Variants in ADGRG4 observed in about 807,000 individuals in gnomAD.
The protein encoded by ADGRG4 is G protein-coupled receptor 112.
Under a neutral mutation model 126.2 loss-of-function variants are expected in ADGRG4, and 122 were observed. The ratio of observed to expected loss-of-function variants is 0.97; its 90% CI spans 0.83 to 1.12. The LOEUF is 1.12. Among genes scored for constraint, ADGRG4 ranks in the 50% most tolerant of loss-of-function variants. The pLI is 0.00. For missense variants in ADGRG4, 2,481 were observed against 2,251.8 expected (o/e 1.10, Z -2.06); for synonymous variants, 943 against 838.7 (o/e 1.12, Z -2.15).
chrX:136,351,074 C>T (rs1181298876), intron 6 of ADGRG4, among the ~76,000 whole-genome samples: 11 of 111,551 alleles, frequency 9.9e-5, no homozygotes, highest in Admixed American at 8.6e-4. Context: ...AAACAAGGCA[C>T]AGGAAGAAAA....
chrX:136,362,465 A>G (rs1224235808), intron 12 of ADGRG4, among the ~76,000 whole-genome samples: 1 of 111,819 alleles, frequency 8.9e-6, no homozygotes, highest in Non-Finnish European at 1.9e-5. Context: ...CACTGCTGCC[A>G]GCATGATTTT....
intron 5 of ADGRG4, among the ~76,000 whole-genome samples, chrX:136,329,698 C>T (rs1484834124): frequency 9.8e-6 from 1 of 102,377 alleles, no homozygotes; most frequent in East Asian, 3.0e-4. Context: ...GAGATAAGGT[C>T]TCACTCTGTC....
chrX:136,357,213 T>C (rs911740786), intron 9 of ADGRG4, among the ~76,000 whole-genome samples: 2 of 111,697 alleles, frequency 1.8e-5, no homozygotes, highest in African/African-American at 6.5e-5. Context: ...CTTTTCCACT[T>C]CCTGACTATG....
chrX:136,409,139 G>A (rs1428116853), intron 23 of ADGRG4, among the ~76,000 whole-genome samples: 2 of 110,465 alleles, frequency 1.8e-5, no homozygotes, highest in African/African-American at 3.3e-5. Context: ...CAAAGTAGTC[G>A]TTTAAAAGAC....
At chrX:136,394,363 C>T (rs903342027) in intron 18 of ADGRG4, among the ~76,000 whole-genome samples, 3 of 112,134 alleles carry the variant, frequency 2.7e-5, no homozygotes, top group South Asian at 3.7e-4. Context: ...TCCCTAAGAA[C>T]GCCAGGAGTG....
At chrX:136,355,937 C>T (rs2075090992) in intron 8 of ADGRG4, among the ~76,000 whole-genome samples, 189 bp from the exon 9 acceptor site, 1 of 111,616 alleles carries the variant, frequency 9.0e-6, no homozygotes, top group African/African-American at 3.3e-5. Context: ...AAAGGCTTGC[C>T]ACCATTTTGG....
intron 2 of ADGRG4, among the ~76,000 whole-genome samples, 176 bp from the exon 3 acceptor site, chrX:136,304,679 A>T (rs2074722202): frequency 8.9e-6 from 1 of 112,182 alleles, no homozygotes; most frequent in South Asian, 3.7e-4. Flanking sequence ...GTATTGATTG[A>T]GCGCCCTCTA....
intron 4 of ADGRG4, among the ~76,000 whole-genome samples, chrX:136,319,697 T>C (rs374439915): frequency 1.1e-5 from 1 of 95,085 alleles, no homozygotes; most frequent in Non-Finnish European, 2.1e-5. Flanking sequence ...GCCACAGTGA[T>C]TCTATCTATC....
chrX:136,397,491 CTT>C (rs1184936316), intron 19 of ADGRG4, among the ~76,000 whole-genome samples: 10,319 of 49,403 alleles, frequency 0.21, 355 homozygotes, highest in Non-Finnish European at 0.29. Flanking sequence ...AGGAAAAGGA[CTT>C]TTTTTTTTTT....
intron 8 of ADGRG4, among the ~76,000 whole-genome samples, chrX:136,355,914 AG>A (rs2075090644): frequency 9.0e-6 from 1 of 111,520 alleles, no homozygotes; most frequent in Non-Finnish European, 1.9e-5. Context: ...CCAGGATGCA[AG>A]GTTAATAAAT....
intron 5 of ADGRG4, among the ~76,000 whole-genome samples, chrX:136,343,802 T>C (rs2074993934): frequency 9.0e-6 from 1 of 111,605 alleles, no homozygotes; most frequent in Non-Finnish European, 1.9e-5. Flanking sequence ...CTCAATCTCA[T>C]AACGATTTTA....
rs373849599 is a variant in ADGRG4, at chrX:136,383,813, C to CCTTTCTTTCTTTCTTT, written c.7777-3879_7777-3864dup. Among the ~76,000 whole-genome samples the CCTTTCTTTCTTTCTTT allele has an allele frequency of 9.7e-4, 58 of 59,604 alleles. 2 individuals carry two copies. The highest frequency in any genetic ancestry group is 3.5e-3 in the South Asian group (4 of 1,151). The allele number at this position is 59,604 out of a possible 115,157, so 51.8% of individuals were successfully genotyped here. A position where few individuals can be genotyped will look rare whatever the true frequency, so the allele number is the denominator to read the frequency against. On this transcript the variant is annotated intron_variant, in intron 15 of 25. Transcript: ENST00000394143. ...CTGACTCTTTAATTATATATATTTG[C>CCTTTCTTTCTTTCTTT]CTTTCTTTCTTTCTTTCTTTCTTTC... is the stretch of plus-strand genomic sequence containing the variant.
chrX:136,411,224 AT>A (rs1028417905), intron 23 of ADGRG4, among the ~76,000 whole-genome samples: 15 of 111,886 alleles, frequency 1.3e-4, no homozygotes, highest in Non-Finnish European at 2.4e-4. Flanking sequence ...TAATTTTTGT[AT>A]TTTTAATAGA....
At chrX:136,382,115 C>T (rs996137643) in intron 15 of ADGRG4, among the ~76,000 whole-genome samples, 3 of 111,164 alleles carry the variant, frequency 2.7e-5, no homozygotes, top group Non-Finnish European at 5.7e-5. Context: ...ACAAGTCCAT[C>T]CCTTTTCAAG....
intron 4 of ADGRG4, among the ~76,000 whole-genome samples, chrX:136,319,743 CTATCTATCATCT>C (rs943242807): frequency 9.3e-6 from 1 of 107,787 alleles, no homozygotes; most frequent in Non-Finnish European, 1.9e-5. Context: ...ATCTATCTAT[CTATCTATCATCT>C]ATCTATTATC....
At chrX:136,404,814 T>G (rs1456179230) in intron 22 of ADGRG4, among the ~76,000 whole-genome samples, 1 of 111,960 alleles carries the variant, frequency 8.9e-6, no homozygotes, top group Non-Finnish European at 1.9e-5. Context: ...AAATTAAATG[T>G]TTTTTTAACA....
rs1343362755 is a variant in ADGRG4, at chrX:136,345,028, C to T, written c.1322C>T (p.Thr441Ile). 1 of 1,211,483 alleles carries T rather than the reference C, an allele frequency of 8.3e-7. No homozygotes were observed. The highest frequency in any genetic ancestry group is 2.2e-5 in the Admixed American group (1 of 46,002). ...GCTGGCCAGGAGTTCATTGAATCTA[C>T]AGCTGCCGGAACTGTACCTTGGTTT... is the stretch of plus-strand genomic sequence containing the variant. ...STAGQEFIESTAAGTVPWFTV... is the reference protein window; with the variant it reads ...STAGQEFIESIAAGTVPWFTV... Residue 441 changes from threonine (T) to isoleucine (I), a missense_variant, in exon 6 of 26, where the codon ACA (threonine) becomes ATA (isoleucine). Physicochemically the swap from Thr to Ile is moderately conservative, Grantham distance 89. Coordinates refer to ENST00000394143, the MANE Select transcript of ADGRG4 (RefSeq NM_153834.4).
chrX:136,323,278 A>G lies in ADGRG4; in HGVS notation c.571A>G (p.Ile191Val). 1 of 1,211,117 alleles carries G rather than the reference A, an allele frequency of 8.3e-7. No individual in the cohort carries two copies. Among genetic ancestry groups the G allele is most frequent in the East Asian group, 3.0e-5 (1 of 33,830 alleles). The change falls in exon 5 of 26, where the codon ATC becomes GTC. Residue 191 changes from isoleucine to valine, a missense_variant. Physicochemically the swap from Ile to Val is conservative, Grantham distance 29. Transcript: ENST00000394143. ...GTACTACTTTCAACTCTGGGACCAC[A>G]TCCTGGAAAACGAAGAGTTTATGAA... Reference protein sequence around the residue: ...SLYYFQLWDHILENEEFMKCL... With the variant: ...SLYYFQLWDHVLENEEFMKCL...
chrX:136,380,653 TCC>T, intron 15 of ADGRG4, among the ~76,000 whole-genome samples: 2 of 76,994 alleles, frequency 2.6e-5, no homozygotes, highest in African/African-American at 1.0e-4. Flanking sequence ...TTCTTCTTCC[TCC>T]TCCTCCTCCT....
Sources: allele counts gnomAD v4.1 joint callset (sites outside exome capture counted in the v4.1 genomes callset), GRCh38; gene constraint gnomAD v4.1.1; transcripts MANE v1.5; gene names NCBI Gene and HGNC (gene_info 2026-07-23, HGNC 2026-07-21).